The following PIGL variants were observed in gnomAD, a reference collection of about 807,000 sequenced individuals.
PIGL encodes the protein phosphatidylinositol glycan anchor biosynthesis class L.
PIGL carries 22 observed loss-of-function variants against 31.1 expected under a neutral mutation model. That is an observed-to-expected ratio of 0.71 (90% CI 0.51 to 1.01). The LOEUF (loss-of-function observed/expected upper bound fraction) is 1.01, where lower values mean the gene tolerates loss of function less well. PIGL is among the 50% of genes least tolerant of loss of function. The pLI, the probability that PIGL is intolerant of heterozygous loss-of-function variation, is 0.00. For synonymous variants in PIGL, 131 were observed against 117.4 expected (o/e 1.12, Z -0.75); for missense variants, 302 against 315.9 (o/e 0.96, Z 0.33).
chr17:16,296,196 G>A (rs2092981234), intron 2 of PIGL, among the ~76,000 whole-genome samples: 1 of 152,134 alleles, frequency 6.6e-6, no homozygotes, highest in East Asian at 1.9e-4. Flanking sequence ...AGAAGTCCTG[G>A]TGATTCATTG....
At chr17:16,266,388 C>CAAAAA (rs60708474) in intron 2 of PIGL, among the ~76,000 whole-genome samples, 25 of 71,864 alleles carry the variant, frequency 3.5e-4, no homozygotes, top group Admixed American at 5.4e-4. Flanking sequence ...GACTCCATCT[C>CAAAAA]AAAAAAAAAA....
intron 6 of PIGL, among the ~76,000 whole-genome samples, chr17:16,321,482 C>T (rs1432771391): frequency 1.3e-5 from 2 of 151,722 alleles, no homozygotes; most frequent in African/African-American, 4.8e-5. Context: ...TCAGGTGATC[C>T]ACCCGCCTTG....
chr17:16,289,622 C>G (rs1450747373), intron 2 of PIGL, among the ~76,000 whole-genome samples: 1 of 152,178 alleles, frequency 6.6e-6, no homozygotes, highest in Non-Finnish European at 1.5e-5. Flanking sequence ...ACTCTAAGCT[C>G]AGTAACTTTA....
chr17:16,317,959 C>CT, intron 6 of PIGL, 51 bp downstream of exon 6: 2 of 1,494,324 alleles, frequency 1.3e-6, no homozygotes, highest in Non-Finnish European at 1.8e-6. Flanking sequence ...TGCCCCAGAC[C>CT]CCTGTCTCCT....
chr17:16,252,152 C>T (rs576315349), intron 2 of PIGL, among the ~76,000 whole-genome samples: 3 of 149,716 alleles, frequency 2.0e-5, no homozygotes, highest in Middle Eastern at 3.5e-3. Context: ...CGGCTCACTG[C>T]GACCTCCACC....
intron 2 of PIGL, among the ~76,000 whole-genome samples, chr17:16,287,679 G>GT (rs1052379208): frequency 1.3e-5 from 2 of 152,088 alleles, no homozygotes; most frequent in Non-Finnish European, 2.9e-5. Flanking sequence ...AGTGACTAGG[G>GT]TTTTTTTGTC....
At chr17:16,264,143 G>C (rs542198803) in intron 2 of PIGL, among the ~76,000 whole-genome samples, 114 of 151,652 alleles carry the variant, frequency 7.5e-4, no homozygotes, top group African/African-American at 2.5e-3. Flanking sequence ...CTCCCAAGTA[G>C]CTGGGATTAC....
At chr17:16,235,319 G>A (rs2092694982) in intron 2 of PIGL, among the ~76,000 whole-genome samples, 2 of 151,586 alleles carry the variant, frequency 1.3e-5, no homozygotes, top group Non-Finnish European at 2.9e-5. Context: ...TTGATATTCT[G>A]CATTTAATTA....
At chr17:16,252,859 A>G (rs1375953608) in intron 2 of PIGL, among the ~76,000 whole-genome samples, 1 of 152,146 alleles carries the variant, frequency 6.6e-6, no homozygotes, top group Non-Finnish European at 1.5e-5. Flanking sequence ...TAACCCAGGG[A>G]CACCACTCCT....
At chr17:16,246,677 T>TTTTTTTTTTTTG (rs2092749435) in intron 2 of PIGL, among the ~76,000 whole-genome samples, 1 of 72,774 alleles carries the variant, frequency 1.4e-5, no homozygotes, top group Non-Finnish European at 2.8e-5. Context: ...AAGGTCTTTT[T>TTTTTTTTTTTTG]TTTTTTTTTT....
At position 16,280,893 on chromosome 17, in the gene PIGL, T is replaced by TG. The variant is rs1156975477; in HGVS notation, c.336-18991dup. ...CTAATTTTTGTAGTTTTAGTAGAGA[T>TG]GGGGTTTCACTATCTTGGCCAGGCT... On this transcript the variant is annotated intron_variant, in intron 2 of 6. Transcript: ENST00000225609. 3.9e-5 allele frequency among the ~76,000 whole-genome samples: 6 copies of TG among 152,028 alleles called. No individual in the cohort carries two copies. The East Asian group carries it at 1.2e-3, about 29-fold the overall frequency.
chr17:16,280,384 T>C (rs2092911676), intron 2 of PIGL, among the ~76,000 whole-genome samples: 1 of 152,214 alleles, frequency 6.6e-6, no homozygotes, highest in South Asian at 2.1e-4. Flanking sequence ...TTAGTTAACT[T>C]TGAGTGATGG....
chr17:16,274,019 C>T (rs139892510), intron 2 of PIGL, among the ~76,000 whole-genome samples: 6 of 152,216 alleles, frequency 3.9e-5, no homozygotes, highest in African/African-American at 7.2e-5. Flanking sequence ...CATCGATGGC[C>T]GTGATACTCA....
chr17:16,232,786 A>G (rs1402865284), intron 1 of PIGL, among the ~76,000 whole-genome samples: 1 of 151,954 alleles, frequency 6.6e-6, no homozygotes, highest in African/African-American at 2.4e-5. Flanking sequence ...AAAAACGCAA[A>G]AAAAGGTATG....
chr17:16,315,025 AG>A (rs1305427199), intron 4 of PIGL, among the ~76,000 whole-genome samples: 2 of 152,166 alleles, frequency 1.3e-5, no homozygotes, highest in Non-Finnish European at 2.9e-5. Context: ...CTCAACAGGC[AG>A]GGGGCTGGGG....
chr17:16,279,979 A>C (rs1461030281), intron 2 of PIGL, among the ~76,000 whole-genome samples: 5 of 152,102 alleles, frequency 3.3e-5, no homozygotes, highest in Admixed American at 6.6e-5. Flanking sequence ...ATCTTGCCAG[A>C]CCCTCTTATG....
At chr17:16,251,556 C>T (rs547482013) in intron 2 of PIGL, among the ~76,000 whole-genome samples, 125 of 151,824 alleles carry the variant, frequency 8.2e-4, no homozygotes, top group Non-Finnish European at 1.5e-3. Context: ...CAAGTAAATC[C>T]CTCAACTAAT....
chr17:16,257,496 C>T (rs2092799232), intron 2 of PIGL, among the ~76,000 whole-genome samples: 1 of 152,064 alleles, frequency 6.6e-6, no homozygotes, highest in Admixed American at 6.6e-5. Context: ...CTCTGAGGCT[C>T]AATTTTGAGG....
chr17:16,261,816 C>T (rs768503261), intron 2 of PIGL, among the ~76,000 whole-genome samples: 6 of 151,994 alleles, frequency 3.9e-5, no homozygotes, highest in Non-Finnish European at 7.4e-5. Context: ...GTTGCCCAGG[C>T]TGGTCTCGAC....
Sources: allele counts gnomAD v4.1 joint callset (sites outside exome capture counted in the v4.1 genomes callset), GRCh38; gene constraint gnomAD v4.1.1; transcripts MANE v1.5; gene names NCBI Gene and HGNC (gene_info 2026-07-23, HGNC 2026-07-21).